COMMD1: variants seen among roughly 807,000 people sequenced by gnomAD.
The protein encoded by COMMD1 is COMM domain-containing protein 1.
Under a neutral mutation model 17.2 loss-of-function variants are expected in COMMD1, and 10 were observed. The observed-to-expected ratio is 0.58, with a 90% CI of 0.36 to 0.99. COMMD1 has a LOEUF of 0.99. Among genes scored for constraint, COMMD1 ranks in the 50% least tolerant of loss-of-function variants. The pLI is 0.01. For missense variants in COMMD1, 270 were observed against 231.8 expected, an observed-to-expected ratio of 1.17 and a Z score of -1.07; for synonymous variants, 97 against 91.6, an observed-to-expected ratio of 1.06 and a Z score of -0.34.
At chr2:61,920,811 G>T (rs192707560) in intron 1 of COMMD1, among the ~76,000 whole-genome samples, 2 of 151,704 alleles carry the variant, frequency 1.3e-5, no homozygotes, top group African/African-American at 4.8e-5. Flanking sequence ...TGATTTTCCA[G>T]TGAGTGCAGA....
chr2:62,028,631 G>GT (rs375146404), intron 2 of COMMD1, among the ~76,000 whole-genome samples: 4 of 151,908 alleles, frequency 2.6e-5, no homozygotes, highest in Non-Finnish European at 4.4e-5. Flanking sequence ...TATTGGATAG[G>GT]TTTTTTTTCC....
chr2:62,105,497 G>A (rs1366097104), intron 2 of COMMD1, among the ~76,000 whole-genome samples: 1 of 152,180 alleles, frequency 6.6e-6, no homozygotes, highest in African/African-American at 2.4e-5. Flanking sequence ...ATTTTTGAGA[G>A]TGAGAGGGAG....
At chr2:62,053,211 C>T (rs1331588739) in intron 2 of COMMD1, among the ~76,000 whole-genome samples, 1 of 151,814 alleles carries the variant, frequency 6.6e-6, no homozygotes, top group South Asian at 2.1e-4. Flanking sequence ...GAGCAGGATA[C>T]TATCCATAGA....
intron 1 of COMMD1, chr2:61,915,916 CCTG>C: frequency 4.1e-6 from 1 of 244,418 alleles, no homozygotes; most frequent in Non-Finnish European, 8.2e-6. Context: ...AAGTGATCCT[CCTG>C]CCTCAGCCTC....
At chr2:62,027,175 T>C (rs1431723206) in intron 2 of COMMD1, among the ~76,000 whole-genome samples, 10 of 152,232 alleles carry the variant, frequency 6.6e-5, no homozygotes, top group African/African-American at 2.4e-4. Context: ...TCTTTCTTAA[T>C]ATTGCTTATT....
At chr2:61,932,071 T>C (rs568522927) in intron 1 of COMMD1, among the ~76,000 whole-genome samples, 1 of 152,226 alleles carries the variant, frequency 6.6e-6, no homozygotes, top group Non-Finnish European at 1.5e-5. Context: ...CTCAGCTCAC[T>C]GCAGCCTCGA....
At chr2:61,950,608 G>T (rs1671026039) in intron 1 of COMMD1, among the ~76,000 whole-genome samples, 1 of 152,182 alleles carries the variant, frequency 6.6e-6, no homozygotes, top group Admixed American at 6.5e-5. Flanking sequence ...GCACTTTATG[G>T]CTTCTCTTTG....
intron 1 of COMMD1, among the ~76,000 whole-genome samples, chr2:61,976,085 C>T (rs1671793436): frequency 6.6e-6 from 1 of 151,564 alleles, no homozygotes; most frequent in South Asian, 2.1e-4. Context: ...GTGGATTTGT[C>T]AATTTTACTT....
chr2:61,995,228 G>A (rs973563751), intron 1 of COMMD1, among the ~76,000 whole-genome samples: 14 of 152,166 alleles, frequency 9.2e-5, no homozygotes, highest in Non-Finnish European at 4.4e-5. Flanking sequence ...GGGACTGCAG[G>A]CGTGTGACAC....
Position 62,028,073 on chromosome 2 carries a change from C to T in COMMD1, c.462+27091C>T, listed in dbSNP as rs1305934672. 5.3e-5 allele frequency among the ~76,000 whole-genome samples: 8 copies of T among 152,176 alleles called. No homozygotes were observed. In the South Asian group the frequency reaches 6.2e-4, roughly 12 times the overall value. On this transcript the variant is annotated intron_variant, in intron 2 of 2. Coordinates refer to ENST00000311832, the MANE Select transcript of COMMD1 (RefSeq NM_152516.4). ...ACAGTGGAGTAGAAAGTCCTCTTCA[C>T]ATTAGAATTGAAACTCAGTGACTAC...
At chr2:61,994,423 A>C (rs1332308832) in intron 1 of COMMD1, among the ~76,000 whole-genome samples, 1 of 152,148 alleles carries the variant, frequency 6.6e-6, no homozygotes, top group Non-Finnish European at 1.5e-5. Context: ...TTACCATATA[A>C]TTTTTTATAT....
At chr2:61,991,499 A>G (rs142935070) in intron 1 of COMMD1, among the ~76,000 whole-genome samples, 63 of 152,346 alleles carry the variant, frequency 4.1e-4, no homozygotes, top group African/African-American at 1.5e-3. Context: ...TGTTGGGTCA[A>G]ATAGACTTTT....
chr2:61,930,651 G>T (rs1017562824), intron 1 of COMMD1, among the ~76,000 whole-genome samples: 5 of 151,836 alleles, frequency 3.3e-5, no homozygotes, highest in Non-Finnish European at 7.4e-5. Flanking sequence ...GTGTGTGTGT[G>T]TGTGTGAGTG....
At chr2:62,036,052 T>TCACACACA (rs1457386606) in intron 2 of COMMD1, among the ~76,000 whole-genome samples, 1 of 141,154 alleles carries the variant, frequency 7.1e-6, no homozygotes, top group African/African-American at 2.9e-5. Flanking sequence ...AGACCCTGTC[T>TCACACACA]CTCACACACA....
At chr2:62,006,285 G>C in intron 2 of COMMD1, among the ~76,000 whole-genome samples, 1 of 151,110 alleles carries the variant, frequency 6.6e-6, no homozygotes, top group African/African-American at 2.4e-5. Context: ...AGCATGGCAC[G>C]TGTATATATA....
At chr2:62,075,141 G>A (rs756130549) in intron 2 of COMMD1, among the ~76,000 whole-genome samples, 4 of 151,794 alleles carry the variant, frequency 2.6e-5, no homozygotes, top group Non-Finnish European at 5.9e-5. Flanking sequence ...CACCCACCTC[G>A]GCCTCCCAAA....
chr2:62,127,945 C>G lies in COMMD1; in HGVS notation c.463-7886C>G, dbSNP rs140514418. 0.011 allele frequency among the ~76,000 whole-genome samples: 1,626 copies of G among 144,482 alleles called. 55 individuals are homozygous for G. The East Asian group carries it at 0.12, about 11-fold the overall frequency. The allele number at this position is 144,482 out of a possible 152,430, so 94.8% of individuals were successfully genotyped here. ...GCTGAGGCAGGAGAATTGCTTGAAC[C>G]CAGGAGACAGAGGTTGCAGTGAGCC... On this transcript the variant is annotated intron_variant, in intron 2 of 2. Transcript: ENST00000311832.
At chr2:62,135,393 C>G (rs1673165216) in intron 2 of COMMD1, among the ~76,000 whole-genome samples, 1 of 151,960 alleles carries the variant, frequency 6.6e-6, no homozygotes, top group African/African-American at 2.4e-5. Flanking sequence ...CTCTCTCCCC[C>G]AGGCTGGAGT....
intron 2 of COMMD1, among the ~76,000 whole-genome samples, chr2:62,016,122 G>T (rs931707870): frequency 1.3e-5 from 2 of 150,992 alleles, no homozygotes; most frequent in Admixed American, 1.3e-4. Context: ...CGTGAGCCAC[G>T]ATGCCCGGCC....
Sources: gnomAD v4.1 joint callset for allele counts (sites outside exome capture counted in the v4.1 genomes callset) on GRCh38, gnomAD v4.1.1 for gene constraint, MANE v1.5 for transcripts, NCBI Gene and HGNC (gene_info 2026-07-23, HGNC 2026-07-21) for gene names.